Variants in MYT1 observed in about 807,000 individuals in gnomAD.
The protein encoded by MYT1 is myelin transcription factor 1, also known as myelin transcription factor I.
A neutral mutation model predicts 123.0 loss-of-function variants in MYT1; 23 were observed. That is an observed-to-expected ratio of 0.19 (90% CI 0.13 to 0.26). The LOEUF is 0.26. Among genes scored for constraint, MYT1 ranks in the 10% least tolerant of loss-of-function variants. The probability of loss-of-function intolerance (pLI) is 1.00; values close to 1 mark genes in which losing one functional copy is unlikely to be tolerated. For missense variants in MYT1, 1,125 were observed against 1,472.5 expected (o/e 0.76, Z 3.86); for synonymous variants, 518 against 575.3 (o/e 0.90, Z 1.43).
At chr20:64,234,870 A>G (rs113720099) in intron 19 of MYT1, among the ~76,000 whole-genome samples, 18,238 of 133,888 alleles carry the variant, frequency 0.14, 954 homozygotes, top group African/African-American at 0.26. Context: ...GTGGTGGGTG[A>G]CCCTGGGATG....
intron 4 of MYT1, 105 bp from the exon 5 acceptor site, chr20:64,204,930 G>T: frequency 5.2e-6 from 6 of 1,147,532 alleles, no homozygotes; most frequent in Non-Finnish European, 6.4e-6. Context: ...CCATTCTGAG[G>T]TGAATCGTCT....
intron 10 of MYT1, among the ~76,000 whole-genome samples, chr20:64,216,019 G>A (rs897912376): frequency 3.9e-5 from 6 of 152,120 alleles, no homozygotes; most frequent in South Asian, 4.2e-4. Context: ...AAACACCCAC[G>A]TCCTGGTAGT....
chr20:64,220,100 C>T (rs1265971157), intron 13 of MYT1, 118 bp downstream of exon 13: 8 of 1,386,722 alleles, frequency 5.8e-6, no homozygotes, highest in Admixed American at 3.2e-5. Flanking sequence ...GGAAGAGCCT[C>T]GGGGAGCCAT....
intron 19 of MYT1, among the ~76,000 whole-genome samples, chr20:64,236,292 G>A (rs1236448232): frequency 3.5e-5 from 5 of 142,762 alleles, no homozygotes; most frequent in Admixed American, 2.8e-4. Flanking sequence ...GGCTGGCCGC[G>A]GTGGGTGACC....
chr20:64,208,707 G>A lies in MYT1; in HGVS notation c.1291+220G>A, dbSNP rs558477239. ...ATCTGGAGCGAGACACAGCGGAGAC[G>A]TGTGAGAAAGAACCAGGTGGGAGAG... On this transcript the variant is annotated intron_variant, in intron 7 of 22. Transcript: ENST00000328439. This position sits in a 1 kb window ranked among gnomAD's most constrained non-coding sequence, Gnocchi z 5.4. 2.0e-3 allele frequency among the ~76,000 whole-genome samples: 299 copies of A among 152,336 alleles called. 1 individual carries two copies. Among genetic ancestry groups the A allele is most frequent in the Non-Finnish European group, 3.4e-3 (231 of 68,034 alleles).
At chr20:64,227,314 A>C in intron 16 of MYT1, 101 bp from the exon 17 acceptor site, 1 of 1,117,594 alleles carries the variant, frequency 8.9e-7, no homozygotes. Context: ...GGGCGCACTC[A>C]AGGGCTGAGC....
At position 64,191,136 on chromosome 20, in the gene MYT1, A is replaced by G. The variant is rs1301771983; in HGVS notation, c.-1+976A>G. Among the ~76,000 whole-genome samples the G allele has an allele frequency of 1.3e-5, 2 of 152,226 alleles. No individual in the cohort carries two copies. Among genetic ancestry groups the G allele is most frequent in the Non-Finnish European group, 2.9e-5 (2 of 68,032 alleles). ...ACCTGGCCAGGCTGAGAATCCCTACAGGATCTGACAGCAGAGATTGCTGGC... is the reference window on the plus strand; with the variant it reads ...ACCTGGCCAGGCTGAGAATCCCTACGGGATCTGACAGCAGAGATTGCTGGC... On this transcript the variant is annotated intron_variant, in intron 2 of 22. Coordinates refer to ENST00000328439, the MANE Select transcript of MYT1 (RefSeq NM_004535.3). The surrounding 1 kb of genome is among the most constrained non-coding windows in gnomAD (Gnocchi z 4.1).
rs1337496790 is a variant in MYT1 at position 64,217,151 on chromosome 20, C to T, written c.1716C>T (p.Asn572=). 3.1e-6 allele frequency: 5 copies of T among 1,614,254 alleles called. No individual in the cohort carries two copies. The Middle Eastern group carries it at 4.9e-4, about 160-fold the overall frequency. The change falls in exon 11 of 23, where the codon AAC becomes AAT. Residue 572 remains asparagine, a synonymous_variant. Coordinates refer to ENST00000328439, the MANE Select transcript of MYT1 (RefSeq NM_004535.3). ...PNVAPATPRA[N]LAKELEKFSK... is the part of the protein sequence containing the mutation. ...TGGCCCCCGCCACACCCAGGGCCAA[C>T]TTGGCCAAGGAGCTGGAGAAGTTCT...
At position 64,208,399 on chromosome 20, in the gene MYT1, G is replaced by C; in HGVS notation, c.1203G>C (p.Pro401=). ...GCACAGTCTGCGAGCCGGGCTGCCC[G>C]CCTGCCGAGCAGAGCCAGCTGGGCC... ...QVRTVCEPGC[P]PAEQSQLGLG... is the part of the protein sequence containing the mutation. The change falls in exon 7 of 23, where the codon CCG becomes CCC. Residue 401 remains proline, a synonymous_variant. Coordinates refer to ENST00000328439, the MANE Select transcript of MYT1 (RefSeq NM_004535.3). This position sits in a 1 kb window ranked among gnomAD's most constrained non-coding sequence, Gnocchi z 5.4. 7 of 1,613,448 alleles carry C rather than the reference G, an allele frequency of 4.3e-6. No individual in the cohort carries two copies. Among genetic ancestry groups the C allele is most frequent in the Non-Finnish European group, 5.9e-6 (7 of 1,179,984 alleles).
chr20:64,204,776 G>A (rs6011341), intron 4 of MYT1, among the ~76,000 whole-genome samples: 16,851 of 152,268 alleles, frequency 0.11, 1,358 homozygotes, highest in African/African-American at 0.22. Flanking sequence ...AATGCCTGCC[G>A]TGGGGAGCGG....
At chr20:64,205,134 C>CGG in intron 5 of MYT1, 37 bp downstream of exon 5, 1 of 1,608,534 alleles carries the variant, frequency 6.2e-7, no homozygotes, top group Non-Finnish European at 8.5e-7. Flanking sequence ...GATTCCTGGG[C>CGG]GGTAGATTTG....
Position 64,202,636 on chromosome 20 carries a change from T to C in MYT1, c.87-2399T>C, listed in dbSNP as rs1344354977. Among the ~76,000 whole-genome samples, 2 of 152,214 alleles carry C rather than the reference T, an allele frequency of 1.3e-5. No homozygotes were observed. The highest frequency in any genetic ancestry group is 2.9e-5 in the Non-Finnish European group (2 of 68,002). The stretch of plus-strand genomic sequence containing the variant: ...GGAAGGCAGTGTCTTCAAAGGCTAG[T>C]AGCTGAAGCATGGGGCTCCAGGCTG... On this transcript the variant is annotated intron_variant, in intron 4 of 22. Transcript: ENST00000328439. The surrounding 1 kb of genome is among the most constrained non-coding windows in gnomAD (Gnocchi z 5.0).
In MYT1 at chr20:64,208,457, G is replaced by C; in HGVS notation, c.1261G>C (p.Asp421His). Residue 421 changes from aspartate (D) to histidine (H), a missense_variant, in exon 7 of 23, where the codon GAC becomes CAC. Physicochemically the swap from Asp to His is moderately conservative, Grantham distance 81. Transcript: ENST00000328439. The surrounding 1 kb of genome is among the most constrained non-coding windows in gnomAD (Gnocchi z 5.4). ...GEPGKAAKPL[D>H]TVRKSYYSKD... ...GCCAGGGAAGGCAGCAAAGCCCCTGGACACTGTGCGGAAGAGTTACTACAG... is the reference window on the plus strand; with the variant it reads ...GCCAGGGAAGGCAGCAAAGCCCCTGCACACTGTGCGGAAGAGTTACTACAG... The C allele has an allele frequency of 1.2e-6, 2 of 1,611,762 alleles. No individual in the cohort carries two copies. The highest frequency in any genetic ancestry group is 1.7e-6 in the Non-Finnish European group (2 of 1,179,298).
chr20:64,224,255 G>T (rs1292673453), intron 16 of MYT1, among the ~76,000 whole-genome samples: 5 of 152,326 alleles, frequency 3.3e-5, no homozygotes, highest in East Asian at 1.9e-4. Context: ...AGGCCTCTGT[G>T]TTGGGGGCCC....
intron 10 of MYT1, 42 bp from the exon 11 acceptor site, chr20:64,217,025 G>A (rs767160461): frequency 6.3e-7 from 1 of 1,579,586 alleles, no homozygotes; most frequent in Non-Finnish European, 8.7e-7. Flanking sequence ...GGGATCCCCA[G>A]GTCCCATCTC....
chr20:64,193,036 G>A lies in MYT1; in HGVS notation c.-1+2876G>A, dbSNP rs1983009134. On this transcript the variant is annotated intron_variant, in intron 2 of 22. Coordinates refer to ENST00000328439, the MANE Select transcript of MYT1 (RefSeq NM_004535.3). The surrounding 1 kb of genome is among the most constrained non-coding windows in gnomAD (Gnocchi z 4.0). Reference sequence around the variant, plus strand: ...GTCAAGAGAACCCCTTCTCAGACATGTGTTAAATAATGCCCCATGGAGGTG... The same window carrying A: ...GTCAAGAGAACCCCTTCTCAGACATATGTTAAATAATGCCCCATGGAGGTG... Among the ~76,000 whole-genome samples, 1 of 152,230 alleles carries A rather than the reference G, an allele frequency of 6.6e-6. No individual in the cohort carries two copies. The highest frequency in any genetic ancestry group is 6.5e-5 in the Admixed American group (1 of 15,280).
In MYT1 at chr20:64,213,430, C is replaced by A. The variant is rs1983741141; in HGVS notation, c.1518-104C>A. 2.5e-6 allele frequency: 2 copies of A among 802,814 alleles called. No individual in the cohort carries two copies. The highest frequency in any genetic ancestry group is 3.2e-5 in the South Asian group (2 of 62,958). The allele number at this position is 802,814 out of a possible 1,614,324, so 49.7% of individuals were successfully genotyped here. ...TTCTCTGGAGTTCACCTGGAGTTCT[C>A]ACATCTGAATGACCTTGCCGTGAGA... is the stretch of plus-strand genomic sequence containing the variant. On this transcript the variant is annotated intron_variant, in intron 9 of 22. Coordinates refer to ENST00000328439, the MANE Select transcript of MYT1 (RefSeq NM_004535.3). This position sits in a 1 kb window ranked among gnomAD's most constrained non-coding sequence, Gnocchi z 5.6.
rs1385596592 is a variant in MYT1 at position 64,236,542 on chromosome 20, C to T, written c.2898-13C>T. The T allele has an allele frequency of 2.5e-6, 4 of 1,610,732 alleles. No individual in the cohort carries two copies. The highest frequency in any genetic ancestry group is 1.1e-5 in the South Asian group (1 of 91,032). On this transcript the variant is annotated splice_polypyrimidine_tract_variant and intron_variant, in intron 19 of 22. Transcript: ENST00000328439. ...CCCTGGGCTGGTGAATGATATGTGG[C>T]CTCTGCTTCCAGTTTGTCAGGCTGT... is the stretch of plus-strand genomic sequence containing the variant.
chr20:64,202,380 T>C lies in MYT1; in HGVS notation c.86+2458T>C, dbSNP rs1983351043. Among the ~76,000 whole-genome samples, 2 of 152,196 alleles carry C rather than the reference T, an allele frequency of 1.3e-5. No individual in the cohort carries two copies. Among genetic ancestry groups the C allele is most frequent in the Admixed American group, 6.5e-5 (1 of 15,290 alleles). ...TTGTATTTTTGCCTGGGTCCATCTG[T>C]TGTCACATGGCCTCAGACTGGCTCT... On this transcript the variant is annotated intron_variant, in intron 4 of 22. Transcript: ENST00000328439. This position sits in a 1 kb window ranked among gnomAD's most constrained non-coding sequence, Gnocchi z 5.0.
Sources: allele counts gnomAD v4.1 joint callset (sites outside exome capture counted in the v4.1 genomes callset), GRCh38; gene constraint gnomAD v4.1.1; non-coding constraint Gnocchi (gnomAD v3.1); transcripts MANE v1.5; gene names NCBI Gene and HGNC (gene_info 2026-07-23, HGNC 2026-07-21).